The following FSTL5 variants were observed in gnomAD, a reference collection of about 807,000 sequenced individuals.
The protein encoded by FSTL5 is follistatin like 5, also known as follistatin-related protein 5.
In FSTL5, 62 loss-of-function variants were observed where a neutral mutation model predicts 89.1. The observed-to-expected ratio is 0.70, with a 90% CI of 0.57 to 0.86. The LOEUF (loss-of-function observed/expected upper bound fraction) is 0.86, where lower values mean the gene tolerates loss of function less well. Ranked by LOEUF, FSTL5 falls within the 40% of genes least tolerant of loss-of-function variation. The pLI is 0.00. For missense variants in FSTL5, 1,057 were observed against 1,001.6 expected, an observed-to-expected ratio of 1.06 and a Z score of -0.75; for synonymous variants, 383 against 346.2, an observed-to-expected ratio of 1.11 and a Z score of -1.18.
At chr4:161,395,880 A>G (rs1730978445) in intron 15 of FSTL5, among the ~76,000 whole-genome samples, 1 of 152,162 alleles carries the variant, frequency 6.6e-6, no homozygotes, top group Non-Finnish European at 1.5e-5. Context: ...AGAGACAAAC[A>G]GTTGAACTAA....
chr4:162,082,609 C>T (rs1730144707), intron 2 of FSTL5, among the ~76,000 whole-genome samples: 1 of 151,022 alleles, frequency 6.6e-6, no homozygotes, highest in Non-Finnish European at 1.5e-5. Context: ...TAGTTTCTCA[C>T]AGCATTCACT....
At chr4:161,565,052 A>G (rs1003475203) in intron 8 of FSTL5, among the ~76,000 whole-genome samples, 8 of 151,914 alleles carry the variant, frequency 5.3e-5, no homozygotes, top group African/African-American at 1.4e-4. Context: ...AGTACAGGGA[A>G]CCTTCTACTT....
chr4:161,846,789 A>T (rs573042927), intron 4 of FSTL5, among the ~76,000 whole-genome samples: 1 of 152,304 alleles, frequency 6.6e-6, no homozygotes, highest in East Asian at 1.9e-4. Context: ...CTGCTCCAGG[A>T]CCATTACCAC....
chr4:161,555,451 GGAT>G (rs148096731), intron 8 of FSTL5, among the ~76,000 whole-genome samples: 11,305 of 151,436 alleles, frequency 0.075, 525 homozygotes, highest in Middle Eastern at 0.17. Context: ...GGCACATGCT[GGAT>G]GATGCTGGTT....
chr4:161,619,292 T>G (rs1435121231), intron 7 of FSTL5, among the ~76,000 whole-genome samples: 2 of 152,148 alleles, frequency 1.3e-5, no homozygotes, highest in African/African-American at 2.4e-5. Context: ...AAGGACTTCA[T>G]GTCCAAAACA....
chr4:161,789,692 G>T (rs765041502), intron 4 of FSTL5, among the ~76,000 whole-genome samples: 4 of 152,198 alleles, frequency 2.6e-5, no homozygotes, highest in Non-Finnish European at 4.4e-5. Flanking sequence ...TGATAGTCAT[G>T]ATTTTACCTT....
chr4:162,109,286 A>G (rs1731344328), intron 2 of FSTL5, among the ~76,000 whole-genome samples: 1 of 152,058 alleles, frequency 6.6e-6, no homozygotes, highest in African/African-American at 2.4e-5. Context: ...TACAAAGTGT[A>G]AGATGGGGTT....
chr4:161,982,073 T>G (rs1315466350), intron 3 of FSTL5, among the ~76,000 whole-genome samples: 1 of 152,198 alleles, frequency 6.6e-6, no homozygotes, highest in Non-Finnish European at 1.5e-5. Flanking sequence ...TGCTTCTGGC[T>G]CCAGTGGGTC....
At chr4:162,108,530 G>T (rs1731314038) in intron 2 of FSTL5, among the ~76,000 whole-genome samples, 1 of 151,580 alleles carries the variant, frequency 6.6e-6, no homozygotes, top group Non-Finnish European at 1.5e-5. Context: ...TACTTTTCTA[G>T]TCAATAAGTA....
intron 6 of FSTL5, among the ~76,000 whole-genome samples, chr4:161,689,108 G>A (rs1023532932): frequency 4.6e-5 from 7 of 152,264 alleles, no homozygotes; most frequent in African/African-American, 1.4e-4. Context: ...TTTTGTAAGT[G>A]AAGACTATGG....
chr4:161,492,658 T>C (rs891877891), intron 12 of FSTL5, among the ~76,000 whole-genome samples: 11 of 151,964 alleles, frequency 7.2e-5, no homozygotes, highest in South Asian at 4.1e-4. Context: ...TCTTCTAAAA[T>C]TGAATCAACA....
At chr4:161,853,291 GAAGTCTCACTC>G (rs1275050072) in intron 4 of FSTL5, among the ~76,000 whole-genome samples, 1 of 152,054 alleles carries the variant, frequency 6.6e-6, no homozygotes, top group Non-Finnish European at 1.5e-5. Context: ...GTTTTGAGAT[GAAGTCTCACTC>G]TGTTGCCCAG....
intron 3 of FSTL5, among the ~76,000 whole-genome samples, chr4:162,002,172 T>G (rs10022486): frequency 0.27 from 41,736 of 152,030 alleles, 6,554 homozygotes; most frequent in Non-Finnish European, 0.35. Context: ...ATACAACCTT[T>G]GTAACTAATG....
At chr4:161,874,125 T>C (rs1284071749) in intron 4 of FSTL5, among the ~76,000 whole-genome samples, 2 of 152,112 alleles carry the variant, frequency 1.3e-5, no homozygotes, top group African/African-American at 2.4e-5. Flanking sequence ...AAACTTATGT[T>C]CTAAAGGTGC....
intron 4 of FSTL5, among the ~76,000 whole-genome samples, chr4:161,915,468 ATATTT>A (rs1733812881): frequency 6.6e-6 from 1 of 152,072 alleles, no homozygotes; most frequent in Non-Finnish European, 1.5e-5. Context: ...AGATTTTATT[ATATTT>A]TATTATACAT....
chr4:161,976,247 G>A (rs1044377924), intron 3 of FSTL5, among the ~76,000 whole-genome samples: 24 of 152,188 alleles, frequency 1.6e-4, no homozygotes, highest in African/African-American at 5.5e-4. Flanking sequence ...ACAGAGATGG[G>A]GAATTAGTGC....
intron 8 of FSTL5, among the ~76,000 whole-genome samples, chr4:161,551,606 CA>C (rs1417975135): frequency 6.6e-6 from 1 of 151,862 alleles, no homozygotes; most frequent in African/African-American, 2.4e-5. Context: ...CTACAGTAAC[CA>C]AAACAGCATG....
At chr4:162,041,060 A>C (rs1483629322) in intron 2 of FSTL5, among the ~76,000 whole-genome samples, 2 of 152,102 alleles carry the variant, frequency 1.3e-5, no homozygotes, top group Non-Finnish European at 2.9e-5. Flanking sequence ...TATGCCATAA[A>C]ATGTGATATT....
chr4:161,610,271 T>A (rs761472312), intron 7 of FSTL5, among the ~76,000 whole-genome samples: 7 of 152,144 alleles, frequency 4.6e-5, no homozygotes, highest in Non-Finnish European at 1.0e-4. Context: ...AGTGCCCTGT[T>A]GTATGTGTAA....
Sources: gnomAD v4.1 joint callset for allele counts (sites outside exome capture counted in the v4.1 genomes callset) on GRCh38, gnomAD v4.1.1 for gene constraint, MANE v1.5 for transcripts, NCBI Gene and HGNC (gene_info 2026-07-23, HGNC 2026-07-21) for gene names.